Variants in DAB1 observed in about 807,000 individuals in gnomAD.
DAB1 encodes the protein disabled homolog 1.
Under a neutral mutation model 64.6 loss-of-function variants are expected in DAB1, and 15 were observed. The observed-to-expected ratio is 0.23, with a 90% CI of 0.16 to 0.36. DAB1 has a LOEUF of 0.36. DAB1 is among the 10% of genes least tolerant of loss of function. DAB1 has a pLI of 1.00. For missense variants in DAB1, 596 were observed against 706.7 expected (o/e 0.84, Z 1.78); for synonymous variants, 235 against 251.9 (o/e 0.93, Z 0.64).
chr1:57,270,768 G>A (rs1197439459), intron 2 of DAB1, among the ~76,000 whole-genome samples: 1 of 152,164 alleles, frequency 6.6e-6, no homozygotes, highest in Admixed American at 6.5e-5. Context: ...ATTGTGTTGA[G>A]GGAGCCTCCC....
At position 58,415,519 on chromosome 1, in the gene DAB1, C is replaced by T. The variant is rs185369909; in HGVS notation, n.258-72116G>A. ...GAGACAAAAATGGATTAAGTGGACACAGAAATCACACCTCACTTCAGCCAA... is the reference window on the plus strand; with the variant it reads ...GAGACAAAAATGGATTAAGTGGACATAGAAATCACACCTCACTTCAGCCAA... On this transcript the variant is annotated intron_variant and non_coding_transcript_variant, in intron 3 of 20. Coordinates refer to the DAB1 transcript ENST00000485760. 3.0e-3 allele frequency: 693 copies of T among 232,982 alleles called. 2 individuals carry two copies. Among genetic ancestry groups the T allele is most frequent in the Non-Finnish European group, 4.4e-3 (617 of 141,476 alleles). The allele number at this position is 232,982 out of a possible 1,614,324, so 14.4% of individuals were successfully genotyped here.
At chr1:57,084,261 T>C (rs1362767737) in intron 4 of DAB1, among the ~76,000 whole-genome samples, 1 of 152,136 alleles carries the variant, frequency 6.6e-6, no homozygotes, top group Non-Finnish European at 1.5e-5. Context: ...GAGAAGGCCA[T>C]ATACAGATGA....
At chr1:57,864,267 G>A (rs1569873951) in intron 1 of DAB1, among the ~76,000 whole-genome samples, 1 of 152,152 alleles carries the variant, frequency 6.6e-6, no homozygotes, top group South Asian at 2.1e-4. Flanking sequence ...AATGGTAGGA[G>A]TCTAAAGTAA....
chr1:58,534,409 C>A, intron 1 of DAB1: 1 of 657,788 alleles, frequency 1.5e-6, no homozygotes, highest in Non-Finnish European at 2.6e-6. Flanking sequence ...AGTTATATGG[C>A]TACTTATTAT....
At chr1:57,660,202 G>A (rs766137459) in intron 6 of DAB1, among the ~76,000 whole-genome samples, 2 of 152,114 alleles carry the variant, frequency 1.3e-5, no homozygotes, top group African/African-American at 2.4e-5. Context: ...GACTGAGTTT[G>A]CATTCATGGA....
At chr1:57,777,218 T>C (rs1649853382) in intron 6 of DAB1, among the ~76,000 whole-genome samples, 1 of 151,192 alleles carries the variant, frequency 6.6e-6, no homozygotes, top group South Asian at 2.1e-4. Flanking sequence ...AATGTACCCT[T>C]TTCTTGGGCT....
chr1:58,280,394 C>T (rs979268053), intron 4 of DAB1, among the ~76,000 whole-genome samples: 23 of 152,326 alleles, frequency 1.5e-4, no homozygotes, highest in Non-Finnish European at 2.5e-4. Flanking sequence ...AATAGACCTG[C>T]TTTCCAATTC....
At chr1:58,276,877 T>A (rs1661458153) in intron 4 of DAB1, among the ~76,000 whole-genome samples, 1 of 151,976 alleles carries the variant, frequency 6.6e-6, no homozygotes, top group Non-Finnish European at 1.5e-5. Context: ...CATGACTTGA[T>A]GAAGGGGAGT....
intron 5 of DAB1, among the ~76,000 whole-genome samples, chr1:57,929,129 A>G (rs1052804732): frequency 6.6e-6 from 1 of 152,236 alleles, no homozygotes; most frequent in African/African-American, 2.4e-5. Context: ...GAACTTGACC[A>G]TGCCAATAGG....
chr1:57,031,591 G>A (rs1646967714), intron 9 of DAB1, among the ~76,000 whole-genome samples: 1 of 152,200 alleles, frequency 6.6e-6, no homozygotes, highest in Non-Finnish European at 1.5e-5. Context: ...CCTCTGATCA[G>A]TCAGCTAAAA....
intron 7 of DAB1, among the ~76,000 whole-genome samples, chr1:57,642,888 C>A (rs760816700): frequency 3.3e-5 from 5 of 152,154 alleles, no homozygotes; most frequent in Non-Finnish European, 7.3e-5. Flanking sequence ...AGTTCTTTGG[C>A]AATTCATTAA....
chr1:57,261,585 A>T (rs980167020), intron 2 of DAB1, among the ~76,000 whole-genome samples: 1 of 152,134 alleles, frequency 6.6e-6, no homozygotes, highest in African/African-American at 2.4e-5. Flanking sequence ...CATGAACCAG[A>T]CCTACTTCTC....
At chr1:57,736,059 T>C (rs1186644225) in intron 6 of DAB1, among the ~76,000 whole-genome samples, 1 of 152,162 alleles carries the variant, frequency 6.6e-6, no homozygotes, top group Non-Finnish European at 1.5e-5. Context: ...AAAAAAGAAC[T>C]ACATTTTCAT....
chr1:57,488,100 T>C (rs1644114528), intron 7 of DAB1, among the ~76,000 whole-genome samples: 1 of 152,150 alleles, frequency 6.6e-6, no homozygotes, highest in South Asian at 2.1e-4. Flanking sequence ...GGTATGCACA[T>C]TAAAAAATTT....
At chr1:58,186,839 C>T (rs1188104071) in intron 4 of DAB1, among the ~76,000 whole-genome samples, 1 of 152,150 alleles carries the variant, frequency 6.6e-6, no homozygotes, top group Non-Finnish European at 1.5e-5. Context: ...CATGCTGGAC[C>T]AAGTTTGCTT....
chr1:57,638,276 AAAC>A (rs1162348695), intron 7 of DAB1, among the ~76,000 whole-genome samples: 2 of 152,256 alleles, frequency 1.3e-5, no homozygotes, highest in African/African-American at 4.8e-5. Flanking sequence ...TCATTAATAA[AAAC>A]AATAAATCAT....
intron 1 of DAB1, among the ~76,000 whole-genome samples, chr1:57,388,907 C>T (rs1020780542): frequency 4.6e-5 from 7 of 152,358 alleles, no homozygotes; most frequent in East Asian, 1.9e-4. Flanking sequence ...TATTTCAAAA[C>T]GTGCCCTAGC....
intron 6 of DAB1, among the ~76,000 whole-genome samples, chr1:57,669,595 C>G (rs921369324): frequency 6.6e-6 from 1 of 152,142 alleles, no homozygotes; most frequent in Admixed American, 6.6e-5. Flanking sequence ...CTGCCCAGCA[C>G]TGTATACTAG....
chr1:57,449,770 C>T (rs745619301), intron 7 of DAB1, among the ~76,000 whole-genome samples: 1 of 152,164 alleles, frequency 6.6e-6, no homozygotes, highest in Non-Finnish European at 1.5e-5. Context: ...TCCAATCCTA[C>T]CAAAGGCTGG....
Sources: gnomAD v4.1 joint callset for allele counts (sites outside exome capture counted in the v4.1 genomes callset) on GRCh38, gnomAD v4.1.1 for gene constraint, MANE v1.5 for transcripts, NCBI Gene and HGNC (gene_info 2026-07-23, HGNC 2026-07-21) for gene names.